The following GCNT2 variants were observed in gnomAD, a reference collection of about 807,000 sequenced individuals.
GCNT2 encodes glucosaminyl (N-acetyl) transferase 2 (I blood group), also known as N-acetyllactosaminide beta-1,6-N-acetylglucosaminyl-transferase.
A neutral mutation model predicts 34.2 loss-of-function variants in GCNT2; 34 were observed. That is an observed-to-expected ratio of 1.00 (90% confidence interval 0.76 to 1.32). GCNT2 has a LOEUF of 1.32. Among genes scored for constraint, GCNT2 ranks in the 40% most tolerant of loss-of-function variants. The pLI is 0.00. For missense variants in GCNT2, 584 were observed against 489.4 expected, an observed-to-expected ratio of 1.19 and a Z score of -1.82; for synonymous variants, 212 against 188.0, an observed-to-expected ratio of 1.13 and a Z score of -1.04.
chr6:10,607,783 G>A (rs193292792), intron 3 of GCNT2, among the ~76,000 whole-genome samples: 14 of 152,194 alleles, frequency 9.2e-5, no homozygotes, highest in African/African-American at 9.6e-5. Flanking sequence ...ACTATGTACC[G>A]AGCGCCATTC....
At position 10,626,873 on chromosome 6, in the gene GCNT2, G is replaced by T; in HGVS notation, c.*266G>T. 1 of 444,624 alleles carries T rather than the reference G, an allele frequency of 2.2e-6. No homozygotes were observed. Among genetic ancestry groups the T allele is most frequent in the Non-Finnish European group, 4.1e-6 (1 of 243,456 alleles). 27.5% of individuals were successfully genotyped at this position (444,624 alleles called of 1,614,324 possible). ...CACCTCTATATTAGTTTATTGTTAG[G>T]ATCAATGATAAATTTAAATGACCTC... On this transcript the variant is annotated 3_prime_UTR_variant, in exon 5 of 5. Transcript: ENST00000495262.
At chr6:10,611,849 A>T (rs1234781852) in intron 3 of GCNT2, among the ~76,000 whole-genome samples, 2 of 152,252 alleles carry the variant, frequency 1.3e-5, no homozygotes, top group Non-Finnish European at 1.5e-5. Context: ...ATATAAAAGC[A>T]ATACAACATT....
rs953922983 is a variant in GCNT2 at position 10,626,855 on chromosome 6, A to G, written c.*248A>G. On this transcript the variant is annotated 3_prime_UTR_variant, in exon 5 of 5. Transcript: ENST00000495262. ...TTGCTGTTTCTTGATGCTCACCTCTATATTAGTTTATTGTTAGGATCAATG... is the reference window on the plus strand; with the variant it reads ...TTGCTGTTTCTTGATGCTCACCTCTGTATTAGTTTATTGTTAGGATCAATG... The G allele has an allele frequency of 1.2e-5, 6 of 504,244 alleles. No homozygotes were observed. Among genetic ancestry groups the G allele is most frequent in the South Asian group, 2.3e-5 (1 of 42,722 alleles). 31.2% of individuals were successfully genotyped at this position (504,244 alleles called of 1,614,324 possible). A position where few individuals can be genotyped will look rare whatever the true frequency, so the allele number is the denominator to read the frequency against.
intron 3 of GCNT2, among the ~76,000 whole-genome samples, chr6:10,547,704 C>A (rs1762328852): frequency 6.6e-6 from 1 of 152,144 alleles, no homozygotes; most frequent in Non-Finnish European, 1.5e-5. Context: ...TTGGATCTTG[C>A]CTGACTCAGT....
chr6:10,556,409 AC>A, intron 3 of GCNT2: 1 of 1,613,508 alleles, frequency 6.2e-7, no homozygotes. Flanking sequence ...TTGACATTTC[AC>A]CCTTCTTTGA....
chr6:10,574,702 T>C (rs1366605432), intron 3 of GCNT2: 1 of 400,586 alleles, frequency 2.5e-6, no homozygotes, highest in Admixed American at 3.4e-5. Flanking sequence ...TGTTTGTTTG[T>C]TTGTTTTACA....
intron 3 of GCNT2, among the ~76,000 whole-genome samples, chr6:10,552,492 C>CT (rs908257915): frequency 8.9e-4 from 129 of 145,434 alleles, no homozygotes; most frequent in East Asian, 2.6e-3. Flanking sequence ...TATGTACAGG[C>CT]TTTTTTTTTT....
At chr6:10,622,595 A>G (rs1448019752) in intron 4 of GCNT2, among the ~76,000 whole-genome samples, 2 of 152,112 alleles carry the variant, frequency 1.3e-5, no homozygotes, top group African/African-American at 4.8e-5. Context: ...GAATTTAGAG[A>G]GACAAACAAT....
chr6:10,609,531 T>C (rs1212123148), intron 3 of GCNT2, among the ~76,000 whole-genome samples: 1 of 152,172 alleles, frequency 6.6e-6, no homozygotes, highest in East Asian at 1.9e-4. Context: ...CACATGAATT[T>C]TGGGGGACAC....
intron 3 of GCNT2, among the ~76,000 whole-genome samples, chr6:10,594,773 A>C (rs1007090123): frequency 6.6e-6 from 1 of 152,176 alleles, no homozygotes; most frequent in Non-Finnish European, 1.5e-5. Flanking sequence ...AACCATATAA[A>C]ACTAGATGTA....
At chr6:10,616,657 A>G (rs1030030005) in intron 3 of GCNT2, among the ~76,000 whole-genome samples, 1 of 152,184 alleles carries the variant, frequency 6.6e-6, no homozygotes, top group African/African-American at 2.4e-5. Context: ...CACCAGAGTA[A>G]CTAGATACAG....
At chr6:10,561,484 A>C (rs953976646) in intron 3 of GCNT2, among the ~76,000 whole-genome samples, 5 of 152,180 alleles carry the variant, frequency 3.3e-5, no homozygotes, top group African/African-American at 1.2e-4. Context: ...TCATCTGCCT[A>C]TCTTCCCCAA....
At chr6:10,613,378 C>CTT (rs138349328) in intron 3 of GCNT2, among the ~76,000 whole-genome samples, 211 of 149,178 alleles carry the variant, frequency 1.4e-3, no homozygotes, top group African/African-American at 4.7e-3. Flanking sequence ...ATAATATTGA[C>CTT]TTTTTTTTTT....
intron 3 of GCNT2, among the ~76,000 whole-genome samples, chr6:10,561,446 A>T (rs1240332828): frequency 6.6e-6 from 1 of 152,166 alleles, no homozygotes; most frequent in African/African-American, 2.4e-5. Flanking sequence ...ACAGGTATGA[A>T]CCACTGTGCC....
intron 3 of GCNT2, among the ~76,000 whole-genome samples, chr6:10,580,639 C>T (rs1300610586): frequency 1.3e-5 from 2 of 151,960 alleles, no homozygotes; most frequent in Non-Finnish European, 2.9e-5. Context: ...ATTCAATAGC[C>T]ACTCATTCTG....
intron 3 of GCNT2, among the ~76,000 whole-genome samples, chr6:10,615,114 T>C (rs759330872): frequency 1.3e-5 from 2 of 152,120 alleles, no homozygotes; most frequent in African/African-American, 2.4e-5. Context: ...GAGACTAACC[T>C]ACAAACCTGA....
intron 3 of GCNT2, among the ~76,000 whole-genome samples, chr6:10,541,117 A>G (rs1402900844): frequency 6.6e-6 from 1 of 152,132 alleles, no homozygotes; most frequent in African/African-American, 2.4e-5. Flanking sequence ...CCCATCACCT[A>G]CGTATTAAGC....
chr6:10,560,430 ATTC>A (rs1762924403), intron 3 of GCNT2, among the ~76,000 whole-genome samples: 1 of 152,104 alleles, frequency 6.6e-6, no homozygotes, highest in South Asian at 2.1e-4. Flanking sequence ...AAGAGGAAAA[ATTC>A]TTCTGTCCGT....
intron 3 of GCNT2, among the ~76,000 whole-genome samples, chr6:10,544,816 G>T (rs1212271677): frequency 6.6e-6 from 1 of 151,318 alleles, no homozygotes; most frequent in Non-Finnish European, 1.5e-5. Context: ...GTGGTGGCAG[G>T]CACCTGTAAT....
Sources: allele counts gnomAD v4.1 joint callset (sites outside exome capture counted in the v4.1 genomes callset), GRCh38; gene constraint gnomAD v4.1.1; transcripts MANE v1.5; gene names NCBI Gene and HGNC (gene_info 2026-07-23, HGNC 2026-07-21).